ESR1: variants seen among roughly 807,000 people sequenced by gnomAD.
ESR1 encodes estrogen receptor 1.
ESR1 carries 12 observed loss-of-function variants against 52.7 expected under a neutral mutation model. The ratio of observed to expected loss-of-function variants is 0.23; its 90% CI spans 0.15 to 0.37. The LOEUF (loss-of-function observed/expected upper bound fraction) is 0.37. Ranked by LOEUF, ESR1 falls within the 10% of genes least tolerant of loss-of-function variation. ESR1 has a pLI of 1.00. For missense variants in ESR1, 584 were observed against 779.7 expected (o/e 0.75, Z 2.99); for synonymous variants, 305 against 316.8 (o/e 0.96, Z 0.39).
At chr6:151,705,939 A>T (rs851981) in intron 2 of ESR1, among the ~76,000 whole-genome samples, 35,033 of 152,112 alleles carry the variant, frequency 0.23, 4,202 homozygotes, top group Non-Finnish European at 0.26. Flanking sequence ...ACAAGGTCAC[A>T]CAGTGGATTA....
At chr6:151,658,066 C>T (rs559211848) in intron 1 of ESR1, among the ~76,000 whole-genome samples, 33 of 152,156 alleles carry the variant, frequency 2.2e-4, no homozygotes, top group South Asian at 8.3e-4. Flanking sequence ...GCCTTACTCT[C>T]CAATTAGATT....
intron 1 of ESR1, among the ~76,000 whole-genome samples, chr6:151,696,208 T>C (rs1019152205): frequency 1.3e-5 from 2 of 152,104 alleles, no homozygotes; most frequent in African/African-American, 4.8e-5. Flanking sequence ...TGGTGGCTCA[T>C]GTCTGTAATC....
chr6:151,871,477 C>T (rs1790959430), intron 2 of ESR1, among the ~76,000 whole-genome samples: 1 of 152,210 alleles, frequency 6.6e-6, no homozygotes, highest in African/African-American at 2.4e-5. Flanking sequence ...AATCTCGGCT[C>T]ACTGCAACCT....
At chr6:152,033,447 G>GA (rs1243680075) in intron 5 of ESR1, among the ~76,000 whole-genome samples, 2 of 151,820 alleles carry the variant, frequency 1.3e-5, no homozygotes, top group African/African-American at 4.9e-5. Flanking sequence ...AAATTTACAA[G>GA]AAAAAAACAA....
chr6:151,690,000 G>A (rs1277944744), upstream of ESR1, among the ~76,000 whole-genome samples: 2 of 152,128 alleles, frequency 1.3e-5, no homozygotes, highest in African/African-American at 4.8e-5. Context: ...TATGACAGAA[G>A]GAAGGGCTGA....
chr6:151,859,190 A>G (rs1041596758), intron 2 of ESR1, among the ~76,000 whole-genome samples: 4 of 152,042 alleles, frequency 2.6e-5, no homozygotes, highest in African/African-American at 9.6e-5. Flanking sequence ...CCTTCAATGT[A>G]TTTTTGAATT....
chr6:151,718,577 T>C (rs1781226623), intron 2 of ESR1, among the ~76,000 whole-genome samples: 1 of 152,216 alleles, frequency 6.6e-6, no homozygotes, highest in South Asian at 2.1e-4. Context: ...GACAATGGGC[T>C]GAATGAAGAG....
chr6:151,884,724 T>C (rs1793562588), intron 3 of ESR1, among the ~76,000 whole-genome samples: 1 of 152,218 alleles, frequency 6.6e-6, no homozygotes, highest in African/African-American at 2.4e-5. Context: ...GGATTTGAAT[T>C]GCACTTTCGG....
chr6:151,847,613 T>G (rs1785364427), intron 2 of ESR1, among the ~76,000 whole-genome samples: 2 of 137,262 alleles, frequency 1.5e-5, no homozygotes, highest in Admixed American at 7.5e-5. Flanking sequence ...TAAATTTGTT[T>G]GAGTTCATTG....
intron 2 of ESR1, among the ~76,000 whole-genome samples, chr6:151,873,459 C>T (rs1382849012): frequency 6.6e-6 from 1 of 152,102 alleles, no homozygotes. Context: ...TATGGAATTA[C>T]CCCCAGATAG....
intron 3 of ESR1, among the ~76,000 whole-genome samples, chr6:151,936,888 A>G (rs1295443126): frequency 6.6e-6 from 1 of 152,180 alleles, no homozygotes; most frequent in Non-Finnish European, 1.5e-5. Context: ...AAGAAAAACT[A>G]CAAGAACAGA....
intron 3 of ESR1, among the ~76,000 whole-genome samples, chr6:151,888,824 T>C (rs1464073745): frequency 1.3e-5 from 2 of 152,078 alleles, no homozygotes; most frequent in Admixed American, 6.5e-5. Flanking sequence ...ATGGCCTTTA[T>C]TGTGTTGAGG....
intron 3 of ESR1, among the ~76,000 whole-genome samples, chr6:151,885,023 G>A (rs774284524): frequency 2.0e-4 from 31 of 151,992 alleles, no homozygotes; most frequent in Non-Finnish European, 3.7e-4. Context: ...ATGATGGCGC[G>A]GGGGTGGGGG....
intron 2 of ESR1, among the ~76,000 whole-genome samples, chr6:151,748,268 T>C (rs1783631942): frequency 6.6e-6 from 1 of 152,206 alleles, no homozygotes; most frequent in Non-Finnish European, 1.5e-5. Flanking sequence ...ATTACAGTTT[T>C]TTTTCTAGAG....
chr6:151,958,484 A>G (rs545232422), intron 4 of ESR1, among the ~76,000 whole-genome samples: 2 of 152,346 alleles, frequency 1.3e-5, no homozygotes, highest in Admixed American at 6.5e-5. Context: ...CTGTGTGCCC[A>G]TAAGGCCATT....
chr6:151,906,060 C>T (rs968947254), intron 3 of ESR1, among the ~76,000 whole-genome samples: 5 of 151,972 alleles, frequency 3.3e-5, no homozygotes, highest in Non-Finnish European at 4.4e-5. Flanking sequence ...GCAACCTCGG[C>T]GTAAATGGGT....
intron 5 of ESR1, among the ~76,000 whole-genome samples, chr6:152,029,377 A>G (rs959067682): frequency 6.6e-6 from 1 of 152,194 alleles, no homozygotes; most frequent in Non-Finnish European, 1.5e-5. Flanking sequence ...CACGGCAAAG[A>G]AGTTAAAAAC....
At chr6:151,879,227 G>A (rs1792363340) in intron 2 of ESR1, among the ~76,000 whole-genome samples, 1 of 152,210 alleles carries the variant, frequency 6.6e-6, no homozygotes, top group African/African-American at 2.4e-5. Flanking sequence ...CTGTCTCACA[G>A]CGGGAAGGGA....
chr6:152,117,941 A>G (rs2051228758), intron 6 of ESR1, among the ~76,000 whole-genome samples: 1 of 152,206 alleles, frequency 6.6e-6, no homozygotes, highest in Non-Finnish European at 1.5e-5. Flanking sequence ...CCAGGGTACT[A>G]CTAAATCTAA....
Sources: allele counts gnomAD v4.1 joint callset (sites outside exome capture counted in the v4.1 genomes callset), GRCh38; gene constraint gnomAD v4.1.1; transcripts MANE v1.5; gene names NCBI Gene and HGNC (gene_info 2026-07-23, HGNC 2026-07-21).